SULF1: variants seen among roughly 807,000 people sequenced by gnomAD.
SULF1 encodes extracellular sulfatase Sulf-1.
A neutral mutation model predicts 110.5 loss-of-function variants in SULF1; 46 were observed. The ratio of observed to expected loss-of-function variants is 0.42; its 90% CI spans 0.33 to 0.53. The LOEUF is 0.53. SULF1 is among the 20% of genes least tolerant of loss of function. SULF1 has a pLI of 0.12. For missense variants in SULF1, 941 were observed against 1,094.2 expected, an observed-to-expected ratio of 0.86 and a Z score of 1.98; for synonymous variants, 371 against 387.1, an observed-to-expected ratio of 0.96 and a Z score of 0.49.
intron 3 of SULF1, among the ~76,000 whole-genome samples, chr8:69,558,227 A>T (rs113531795): frequency 6.6e-6 from 1 of 152,210 alleles, no homozygotes; most frequent in East Asian, 1.9e-4. Flanking sequence ...GCAATGTAGG[A>T]TGGGAGGATG....
At chr8:69,576,284 A>G in intron 6 of SULF1, 75 bp downstream of exon 6, 1 of 1,511,806 alleles carries the variant, frequency 6.6e-7, no homozygotes, top group Non-Finnish European at 8.9e-7. Context: ...CATGTAATGA[A>G]ATGCATGAAG....
At chr8:69,540,202 C>T (rs1158987080) in intron 3 of SULF1, among the ~76,000 whole-genome samples, 1 of 152,218 alleles carries the variant, frequency 6.6e-6, no homozygotes, top group Non-Finnish European at 1.5e-5. Context: ...AGATTCATCT[C>T]TCTATTCATA....
Position 69,660,442 on chromosome 8 carries a change from T to G in SULF1, c.*1907T>G, listed in dbSNP as rs1465775336. On this transcript the variant is annotated 3_prime_UTR_variant, in exon 23 of 23. Coordinates refer to ENST00000402687, the MANE Select transcript of SULF1 (RefSeq NM_001128205.2). ...TCTTGAAAATATCCTTGTTGTGTATTAGGTTTTTAAATACCAGCTAAAGGA... is the reference window on the plus strand; with the variant it reads ...TCTTGAAAATATCCTTGTTGTGTATGAGGTTTTTAAATACCAGCTAAAGGA... 2.0e-5 allele frequency: 3 copies of G among 152,658 alleles called. No homozygotes were observed. The highest frequency in any genetic ancestry group is 4.4e-5 in the Non-Finnish European group (3 of 68,036). 9.5% of individuals were successfully genotyped at this position (152,658 alleles called of 1,614,324 possible).
rs1359755945 is a variant in SULF1, at chr8:69,659,030, G to T, written c.*495G>T. On this transcript the variant is annotated 3_prime_UTR_variant, in exon 23 of 23. Transcript: ENST00000402687. ...CTGGAAACCGATTTCAGTGGCGATG[G>T]CATGACAGAGCTAGAGCTCGGGCCC... The T allele has an allele frequency of 2.2e-6, 1 of 457,074 alleles. No homozygotes were observed. Among genetic ancestry groups the T allele is most frequent in the Non-Finnish European group, 4.4e-6 (1 of 227,134 alleles). 28.3% of individuals were successfully genotyped at this position (457,074 alleles called of 1,614,324 possible). A position where few individuals can be genotyped will look rare whatever the true frequency, so the allele number is the denominator to read the frequency against.
chr8:69,486,945 G>C (rs547401013), intron 1 of SULF1, among the ~76,000 whole-genome samples: 1 of 152,136 alleles, frequency 6.6e-6, no homozygotes, highest in East Asian at 1.9e-4. Context: ...TGATTTACAC[G>C]TCCTTGATTT....
chr8:69,475,046 T>C (rs149017184), intron 1 of SULF1, among the ~76,000 whole-genome samples: 96 of 151,722 alleles, frequency 6.3e-4, no homozygotes, highest in African/African-American at 2.2e-3. Context: ...GGAAATATAA[T>C]GAAGGTGGCC....
intron 10 of SULF1, 47 bp downstream of exon 10, chr8:69,601,876 T>G: frequency 1.3e-6 from 2 of 1,531,140 alleles, no homozygotes; most frequent in Non-Finnish European, 8.8e-7. Flanking sequence ...ACCTCAAGTG[T>G]GTCTAAGATA....
At chr8:69,526,158 T>C (rs1421846246) in intron 3 of SULF1, among the ~76,000 whole-genome samples, 1 of 152,136 alleles carries the variant, frequency 6.6e-6, no homozygotes, top group Non-Finnish European at 1.5e-5. Context: ...TTAAGGACAC[T>C]TTGTACCATA....
chr8:69,493,838 A>G (rs1402344888), intron 1 of SULF1, among the ~76,000 whole-genome samples: 1 of 152,256 alleles, frequency 6.6e-6, no homozygotes, highest in Non-Finnish European at 1.5e-5. Context: ...TGTGTCTTAA[A>G]GAGTGCTGAA....
chr8:69,540,278 A>G (rs1335264505), intron 3 of SULF1, among the ~76,000 whole-genome samples: 1 of 152,242 alleles, frequency 6.6e-6, no homozygotes, highest in Non-Finnish European at 1.5e-5. Flanking sequence ...TTTTCTTTCT[A>G]ACACAATGAC....
chr8:69,544,175 G>A (rs899932858), intron 3 of SULF1, among the ~76,000 whole-genome samples: 3 of 152,096 alleles, frequency 2.0e-5, no homozygotes, highest in African/African-American at 7.2e-5. Context: ...TCTAAGAATA[G>A]TGTGTTGTAA....
intron 5 of SULF1, among the ~76,000 whole-genome samples, chr8:69,565,153 G>C (rs918622015): frequency 2.0e-5 from 3 of 152,104 alleles, no homozygotes; most frequent in Non-Finnish European, 4.4e-5. Flanking sequence ...CTTGGGTTCA[G>C]CTGGAAGCAA....
intron 3 of SULF1, among the ~76,000 whole-genome samples, chr8:69,550,010 G>A (rs1814579679): frequency 6.6e-6 from 1 of 151,652 alleles, no homozygotes; most frequent in South Asian, 2.1e-4. Context: ...GGCCTGTTTT[G>A]TTCTCCTGGG....
rs369545860 is a variant in SULF1 at position 69,621,171 on chromosome 8, G to C, written c.1514G>C (p.Ser505Thr). 5.0e-6 allele frequency: 8 copies of C among 1,614,070 alleles called. No individual in the cohort carries two copies. The highest frequency in any genetic ancestry group is 1.1e-5 in the South Asian group (1 of 91,092). Reference protein sequence around the residue: ...RGFHDKDKECSCRESGYRASR... With the variant: ...RGFHDKDKECTCRESGYRASR... ...TTCCATGACAAAGACAAAGAGTGCA[G>C]TTGTAGGGAGTCTGGTTACCGTGCC... Residue 505 changes from serine (S) to threonine (T), a missense_variant, in exon 14 of 23, where the codon AGT becomes ACT. This residue lies in a region of SULF1 where 822 missense variants were observed against 934.3 expected (regional missense o/e 0.88). Transcript: ENST00000402687.
intron 3 of SULF1, among the ~76,000 whole-genome samples, chr8:69,516,296 C>A (rs957476332): frequency 6.6e-6 from 1 of 151,866 alleles, no homozygotes; most frequent in African/African-American, 2.4e-5. Context: ...ACAATCATGG[C>A]AGAATGGCAG....
At chr8:69,576,306 A>G in intron 6 of SULF1, 97 bp downstream of exon 6, 1 of 1,417,476 alleles carries the variant, frequency 7.1e-7, no homozygotes, top group Admixed American at 2.1e-5. Context: ...TCCAACAAAT[A>G]CCTAAAAAAG....
intron 8 of SULF1, 106 bp downstream of exon 8, chr8:69,589,247 A>G (rs1276837722): frequency 1.8e-6 from 2 of 1,141,016 alleles, no homozygotes; most frequent in Non-Finnish European, 2.4e-6. Flanking sequence ...CGTATCCACA[A>G]GGCTTTCTTC....
chr8:69,595,071 A>T (rs143692685), intron 8 of SULF1, among the ~76,000 whole-genome samples: 186 of 152,362 alleles, frequency 1.2e-3, no homozygotes, highest in African/African-American at 4.3e-3. Flanking sequence ...AAAACATTTT[A>T]AAAATAGTAT....
intron 1 of SULF1, among the ~76,000 whole-genome samples, chr8:69,476,159 C>T (rs376147489): frequency 1.3e-5 from 2 of 152,184 alleles, no homozygotes; most frequent in African/African-American, 4.8e-5. Flanking sequence ...GGCTGATTGA[C>T]ATCCTTTCAC....
Sources: gnomAD v4.1 joint callset for allele counts (sites outside exome capture counted in the v4.1 genomes callset) on GRCh38, gnomAD v4.1.1 for gene constraint, gnomAD v4.1.1 regional missense constraint, MANE v1.5 for transcripts, NCBI Gene and HGNC (gene_info 2026-07-23, HGNC 2026-07-21) for gene names.